The following CDH2 variants were observed in gnomAD, a reference collection of about 807,000 sequenced individuals.
The protein encoded by CDH2 is cadherin-2.
In CDH2, 17 loss-of-function variants were observed where a neutral mutation model predicts 92.0. The observed-to-expected ratio is 0.18, with a 90% CI of 0.13 to 0.28. CDH2 has a LOEUF of 0.28. Among genes scored for constraint, CDH2 ranks in the 10% least tolerant of loss-of-function variants. The probability of loss-of-function intolerance (pLI) is 1.00; values close to 1 mark genes in which losing one functional copy is unlikely to be tolerated. For missense variants in CDH2, 862 were observed against 1,133.1 expected (o/e 0.76, Z 3.44); for synonymous variants, 419 against 415.9 (o/e 1.01, Z -0.09).
At chr18:27,953,974 C>T (rs959359891) in intron 15 of CDH2, among the ~76,000 whole-genome samples, 5 of 152,112 alleles carry the variant, frequency 3.3e-5, no homozygotes, top group African/African-American at 1.2e-4. Context: ...GCTTGACTCA[C>T]GTCAAAAATC....
chr18:28,060,908 T>C (rs888383893), intron 2 of CDH2, among the ~76,000 whole-genome samples: 2 of 152,206 alleles, frequency 1.3e-5, no homozygotes, highest in Admixed American at 6.6e-5. Context: ...AAAATCAGCA[T>C]TTTAAAAAAA....
intron 13 of CDH2, among the ~76,000 whole-genome samples, chr18:27,983,885 C>A (rs982402749): frequency 6.6e-6 from 1 of 152,188 alleles, no homozygotes; most frequent in African/African-American, 2.4e-5. Flanking sequence ...AGGTGCACAT[C>A]TAGGAACAAA....
At chr18:27,955,153 A>C (rs1909644269) in intron 15 of CDH2, among the ~76,000 whole-genome samples, 1 of 152,290 alleles carries the variant, frequency 6.6e-6, no homozygotes, top group East Asian at 1.9e-4. Context: ...TTAATTATTA[A>C]GCGAAAATAC....
At chr18:28,073,475 T>A (rs1394635927) in intron 2 of CDH2, among the ~76,000 whole-genome samples, 1 of 152,196 alleles carries the variant, frequency 6.6e-6, no homozygotes, top group Non-Finnish European at 1.5e-5. Flanking sequence ...AAAATAAAGA[T>A]ACTATTTTAA....
intron 2 of CDH2, among the ~76,000 whole-genome samples, chr18:28,145,521 A>G (rs375405782): frequency 6.6e-6 from 1 of 152,100 alleles, no homozygotes; most frequent in African/African-American, 2.4e-5. Flanking sequence ...ATTTGGCTTC[A>G]GTGTATAGCT....
chr18:28,137,730 T>C (rs960621986), intron 2 of CDH2, among the ~76,000 whole-genome samples: 4 of 152,130 alleles, frequency 2.6e-5, no homozygotes, highest in African/African-American at 4.8e-5. Flanking sequence ...TTAACAACTA[T>C]AGATGTTCTT....
At chr18:28,015,729 T>C (rs2013226521) in intron 2 of CDH2, among the ~76,000 whole-genome samples, 1 of 152,172 alleles carries the variant, frequency 6.6e-6, no homozygotes, top group Non-Finnish European at 1.5e-5. Flanking sequence ...CCTGGACTGT[T>C]ACATAAGCCT....
intron 2 of CDH2, among the ~76,000 whole-genome samples, chr18:28,050,278 A>G (rs1373768910): frequency 1.3e-5 from 2 of 152,214 alleles, no homozygotes; most frequent in African/African-American, 4.8e-5. Context: ...GGGTAAAATT[A>G]AAATACAGAC....
At chr18:27,936,591 G>T (rs758028708) in intron 6 of CDH2, among the ~76,000 whole-genome samples, 1 of 152,016 alleles carries the variant, frequency 6.6e-6, no homozygotes, top group Non-Finnish European at 1.5e-5. Context: ...GTGCAGTGGT[G>T]CTATCACAGC....
At chr18:28,103,532 T>G (rs1299832457) in intron 2 of CDH2, among the ~76,000 whole-genome samples, 1 of 151,478 alleles carries the variant, frequency 6.6e-6, no homozygotes, top group East Asian at 1.9e-4. Flanking sequence ...CTTTAAGTTC[T>G]GGGATACACT....
At chr18:28,059,340 G>A (rs2014356333) in intron 2 of CDH2, among the ~76,000 whole-genome samples, 1 of 152,148 alleles carries the variant, frequency 6.6e-6, no homozygotes, top group South Asian at 2.1e-4. Context: ...CCAAAAAGGG[G>A]GAAATACCAT....
intron 2 of CDH2, among the ~76,000 whole-genome samples, chr18:28,079,607 T>C (rs770038358): frequency 6.6e-6 from 1 of 152,238 alleles, no homozygotes; most frequent in Non-Finnish European, 1.5e-5. Context: ...CAAAAATTGA[T>C]GTTACGGTTA....
intron 1 of CDH2, among the ~76,000 whole-genome samples, chr18:28,163,607 G>C (rs17536862): frequency 3.5e-4 from 54 of 152,168 alleles, no homozygotes; most frequent in Admixed American, 1.2e-3. Flanking sequence ...AACCACACAC[G>C]CAAGTCCATC....
intron 2 of CDH2, among the ~76,000 whole-genome samples, chr18:28,055,164 C>T (rs2014267157): frequency 6.6e-6 from 1 of 152,076 alleles, no homozygotes; most frequent in African/African-American, 2.4e-5. Context: ...TGGGGGCAGA[C>T]AAGAATGAGA....
chr18:28,155,702 G>A (rs1367916348), intron 1 of CDH2, among the ~76,000 whole-genome samples: 1 of 152,190 alleles, frequency 6.6e-6, no homozygotes, highest in Non-Finnish European at 1.5e-5. Context: ...CGTTAGTTGA[G>A]TACATGGTGA....
At chr18:28,113,895 C>T (rs1011626866) in intron 2 of CDH2, among the ~76,000 whole-genome samples, 8 of 151,978 alleles carry the variant, frequency 5.3e-5, no homozygotes, top group African/African-American at 1.9e-4. Flanking sequence ...ATGCATTTTC[C>T]TTTTAAAAAT....
intron 2 of CDH2, among the ~76,000 whole-genome samples, chr18:28,023,517 G>T (rs1471356552): frequency 6.6e-6 from 1 of 152,076 alleles, no homozygotes; most frequent in Non-Finnish European, 1.5e-5. Context: ...GTAGGACAGG[G>T]TTTTACCATG....
intron 2 of CDH2, among the ~76,000 whole-genome samples, chr18:28,014,343 A>G (rs919097373): frequency 1.3e-5 from 2 of 152,126 alleles, no homozygotes; most frequent in Admixed American, 1.3e-4. Flanking sequence ...TTTCTTAGTC[A>G]TGTCTGACAC....
intron 7 of CDH2, 53 bp from the exon 8 acceptor site, chr18:27,993,690 A>G (rs1599018093): frequency 2.2e-6 from 3 of 1,380,108 alleles, no homozygotes; most frequent in Non-Finnish European, 3.1e-6. Flanking sequence ...TCAAGAAGAC[A>G]TAACAGTTGT....
Sources: allele counts gnomAD v4.1 joint callset (sites outside exome capture counted in the v4.1 genomes callset), GRCh38; gene constraint gnomAD v4.1.1; transcripts MANE v1.5; gene names NCBI Gene and HGNC (gene_info 2026-07-23, HGNC 2026-07-21).